The following GPAT4 variants were observed in gnomAD, a reference collection of about 807,000 sequenced individuals.
GPAT4 encodes glycerol-3-phosphate acyltransferase 4, also known as 1-AGP acyltransferase 6.
A neutral mutation model predicts 58.0 loss-of-function variants in GPAT4; 17 were observed. That is an observed-to-expected ratio of 0.29 (90% CI 0.20 to 0.44). The LOEUF (loss-of-function observed/expected upper bound fraction) is 0.44, where lower values mean the gene tolerates loss of function less well. Ranked by LOEUF, GPAT4 falls within the 20% of genes least tolerant of loss-of-function variation. GPAT4 has a pLI of 1.00. For missense variants in GPAT4, 377 were observed against 574.5 expected, an observed-to-expected ratio of 0.66 and a Z score of 3.51; for synonymous variants, 204 against 210.1, an observed-to-expected ratio of 0.97 and a Z score of 0.25.
chr8:41,612,052 A>G lies in GPAT4; in HGVS notation c.701+60A>G, dbSNP rs1164107530. On this transcript the variant is annotated intron_variant, in intron 6 of 12. Coordinates refer to ENST00000396987, the MANE Select transcript of GPAT4 (RefSeq NM_178819.4). The stretch of plus-strand genomic sequence containing the variant: ...GCGCTGCAGGAAACACCACCCACCT[A>G]TACTTAGCCAAATGGGAAGACACTT... 7 of 1,597,530 alleles carry G rather than the reference A, an allele frequency of 4.4e-6. No individual in the cohort carries two copies. The African/African-American group carries it at 5.4e-5, about 12-fold the overall frequency.
In GPAT4 at chr8:41,622,197, C is replaced by T. The variant is rs1803772826; in HGVS notation, c.*1196C>T. The T allele has an allele frequency of 7.5e-6, 1 of 133,866 alleles. No homozygotes were observed. Among genetic ancestry groups the T allele is most frequent in the Admixed American group, 8.3e-5 (1 of 12,096 alleles). The allele number at this position is 133,866 out of a possible 1,614,324, so 8.3% of individuals were successfully genotyped here. A position where few individuals can be genotyped will look rare whatever the true frequency, so the allele number is the denominator to read the frequency against. ...CCTAGGGGAAGCAATGAGTAAACTC[C>T]AGGGTGGGGGAGGAGCAAGGGCCCG... On this transcript the variant is annotated 3_prime_UTR_variant, in exon 13 of 13. Coordinates refer to ENST00000396987, the MANE Select transcript of GPAT4 (RefSeq NM_178819.4).
intron 4 of GPAT4, 22 bp downstream of exon 4, chr8:41,609,977 T>C (rs1391318709): frequency 6.4e-7 from 1 of 1,570,936 alleles, no homozygotes; most frequent in Non-Finnish European, 8.6e-7. Flanking sequence ...CCTGCGGGAG[T>C]GGGGCTCGCT....
rs114133663 is a variant in GPAT4, at chr8:41,621,183, A to C, written c.*182A>C. ...GATCCCTGTGCACCCGGCGCAGCCT[A>C]CCCTTGGTGGTCTAAACGGATGCTG... On this transcript the variant is annotated 3_prime_UTR_variant, in exon 13 of 13. Coordinates refer to ENST00000396987, the MANE Select transcript of GPAT4 (RefSeq NM_178819.4). 2,057 of 847,960 alleles carry C rather than the reference A, an allele frequency of 2.4e-3. 29 individuals are homozygous for C. The African/African-American group carries it at 0.032, about 13-fold the overall frequency. 52.5% of individuals were successfully genotyped at this position (847,960 alleles called of 1,614,324 possible). A position where few individuals can be genotyped will look rare whatever the true frequency, so the allele number is the denominator to read the frequency against.
intron 1 of GPAT4, among the ~76,000 whole-genome samples, chr8:41,594,612 C>G (rs1802873840): frequency 2.8e-5 from 4 of 144,276 alleles, no homozygotes; most frequent in Non-Finnish European, 4.5e-5. Flanking sequence ...GTGGTCCGAT[C>G]TCGGCTCACT....
chr8:41,596,494 G>A (rs1276452552), intron 1 of GPAT4, among the ~76,000 whole-genome samples: 1 of 152,218 alleles, frequency 6.6e-6, no homozygotes, highest in African/African-American at 2.4e-5. Flanking sequence ...CCAAAGACCA[G>A]TCTTACCAAG....
intron 1 of GPAT4, among the ~76,000 whole-genome samples, chr8:41,595,713 TTCTC>T (rs756556013): frequency 6.6e-6 from 1 of 152,104 alleles, no homozygotes; most frequent in Admixed American, 6.5e-5. Flanking sequence ...CTCTTTAACT[TTCTC>T]TCTCTTTGAC....
intron 2 of GPAT4, among the ~76,000 whole-genome samples, chr8:41,604,177 TA>T (rs1346838102): frequency 6.6e-6 from 1 of 152,226 alleles, no homozygotes; most frequent in East Asian, 1.9e-4. Context: ...CACATTTTAC[TA>T]AATAATCTTC....
chr8:41,612,075 C>A, intron 6 of GPAT4, 83 bp downstream of exon 6: 1 of 1,586,746 alleles, frequency 6.3e-7, no homozygotes, highest in Non-Finnish European at 8.7e-7. Context: ...TGGGAAGACA[C>A]TTCTGAGCTT....
At chr8:41,586,066 C>T (rs1049455817) in intron 1 of GPAT4, among the ~76,000 whole-genome samples, 20 of 152,190 alleles carry the variant, frequency 1.3e-4, no homozygotes, top group African/African-American at 4.6e-4. Flanking sequence ...CAGAAAGAAA[C>T]GTTTTAGCTA....
chr8:41,579,720 C>G (rs62509771), intron 1 of GPAT4, among the ~76,000 whole-genome samples: 13,975 of 152,056 alleles, frequency 0.092, 825 homozygotes, highest in South Asian at 0.14. Context: ...TACTTGTATT[C>G]CCAGCTACTC....
chr8:41,581,932 C>T (rs1382594237), intron 1 of GPAT4, among the ~76,000 whole-genome samples: 2 of 142,938 alleles, frequency 1.4e-5, no homozygotes, highest in African/African-American at 2.6e-5. Flanking sequence ...CGCACCCGGC[C>T]GACTTGTTTG....
chr8:41,614,302 A>G lies in GPAT4; in HGVS notation c.912-84A>G, dbSNP rs1037247739. ...ACTTTTTATAATCGAAACTAGTGTC[A>G]CAAATAAATAGGTTATTTATAAACA... On this transcript the variant is annotated intron_variant, in intron 8 of 12. Coordinates refer to ENST00000396987, the MANE Select transcript of GPAT4 (RefSeq NM_178819.4). 1.3e-5 allele frequency: 16 copies of G among 1,203,976 alleles called. No individual in the cohort carries two copies. In the African/African-American group the frequency reaches 2.4e-4, roughly 18 times the overall value. 74.6% of individuals were successfully genotyped at this position (1,203,976 alleles called of 1,614,324 possible). A position where few individuals can be genotyped will look rare whatever the true frequency, so the allele number is the denominator to read the frequency against.
intron 10 of GPAT4, among the ~76,000 whole-genome samples, chr8:41,616,745 T>G (rs1043663664): frequency 6.1e-5 from 9 of 146,536 alleles, no homozygotes; most frequent in Non-Finnish European, 1.2e-4. Context: ...AGTAAAATGC[T>G]TATAAATTTT....
At chr8:41,605,609 C>T (rs983623258) in intron 2 of GPAT4, among the ~76,000 whole-genome samples, 2 of 152,226 alleles carry the variant, frequency 1.3e-5, no homozygotes, top group African/African-American at 4.8e-5. Flanking sequence ...GAGTCTCCCT[C>T]TGTTGCCCAG....
intron 4 of GPAT4, 34 bp from the exon 5 acceptor site, chr8:41,610,702 G>C: frequency 6.3e-7 from 1 of 1,594,770 alleles, no homozygotes; most frequent in South Asian, 1.1e-5. Context: ...AGAATGATTT[G>C]CTGGCTGTGC....
At chr8:41,617,944 A>T (rs1400162940) in intron 10 of GPAT4, among the ~76,000 whole-genome samples, 1 of 152,180 alleles carries the variant, frequency 6.6e-6, no homozygotes, top group Non-Finnish European at 1.5e-5. Flanking sequence ...TACCCTGCTC[A>T]CCTGCCCCTC....
intron 10 of GPAT4, among the ~76,000 whole-genome samples, chr8:41,616,002 T>C (rs946907975): frequency 3.3e-5 from 5 of 152,212 alleles, no homozygotes; most frequent in Non-Finnish European, 7.3e-5. Flanking sequence ...CAGGGGACTC[T>C]GATTGACAGG....
chr8:41,594,836 T>C (rs939456413), intron 1 of GPAT4, among the ~76,000 whole-genome samples: 7 of 152,094 alleles, frequency 4.6e-5, no homozygotes, highest in East Asian at 3.9e-4. Flanking sequence ...TAAGCCACCG[T>C]GCCCGGCCCA....
At chr8:41,589,411 C>T (rs980045571) in intron 1 of GPAT4, among the ~76,000 whole-genome samples, 6 of 151,704 alleles carry the variant, frequency 4.0e-5, no homozygotes, top group African/African-American at 1.5e-4. Context: ...AGCAGGGGGC[C>T]TCTGAGCGGA....
Sources: allele counts gnomAD v4.1 joint callset (sites outside exome capture counted in the v4.1 genomes callset), GRCh38; gene constraint gnomAD v4.1.1; transcripts MANE v1.5; gene names NCBI Gene and HGNC (gene_info 2026-07-23, HGNC 2026-07-21).